ITPR1: variants seen among roughly 807,000 people sequenced by gnomAD.
ITPR1 encodes inositol 1,4,5-trisphosphate receptor type 1.
A neutral mutation model predicts 318.4 loss-of-function variants in ITPR1; 96 were observed. The observed-to-expected ratio is 0.30, with a 90% CI of 0.26 to 0.36. ITPR1 has a LOEUF of 0.36. ITPR1 is among the 10% of genes least tolerant of loss of function. The pLI is 1.00. For synonymous variants in ITPR1, 1,312 were observed against 1,289.9 expected, an observed-to-expected ratio of 1.02 and a Z score of -0.37; for missense variants, 2,440 against 3,460.2, an observed-to-expected ratio of 0.71 and a Z score of 7.40.
At chr3:4,708,927 A>G (rs1348948372) in intron 37 of ITPR1, among the ~76,000 whole-genome samples, 1 of 152,198 alleles carries the variant, frequency 6.6e-6, no homozygotes, top group African/African-American at 2.4e-5. Context: ...ATCTTTGTTG[A>G]TGTCTCCTTG....
chr3:4,726,519 T>C (rs2042528689), intron 41 of ITPR1, among the ~76,000 whole-genome samples: 1 of 152,170 alleles, frequency 6.6e-6, no homozygotes, highest in East Asian at 1.9e-4. Context: ...TAGAATGAAG[T>C]GTACTTTATT....
At chr3:4,674,446 G>A in intron 22 of ITPR1, 103 bp downstream of exon 22, 1 of 982,810 alleles carries the variant, frequency 1.0e-6, no homozygotes, top group Non-Finnish European at 1.4e-6. Flanking sequence ...TTTTGGTCAT[G>A]ATGCTCTGGT....
At chr3:4,719,543 G>C (rs747555508) in intron 40 of ITPR1, among the ~76,000 whole-genome samples, 54 of 152,334 alleles carry the variant, frequency 3.5e-4, no homozygotes, top group Non-Finnish European at 6.3e-4. Context: ...TCTGAACTGC[G>C]TACCCATGTT....
At chr3:4,803,513 C>T (rs1239965679) in intron 54 of ITPR1, among the ~76,000 whole-genome samples, 1 of 152,124 alleles carries the variant, frequency 6.6e-6, no homozygotes, top group Non-Finnish European at 1.5e-5. Context: ...TGGAAAGACA[C>T]GCTGTTAACG....
At chr3:4,739,807 G>T (rs1366721329) in intron 44 of ITPR1, among the ~76,000 whole-genome samples, 2 of 152,132 alleles carry the variant, frequency 1.3e-5, no homozygotes, top group Non-Finnish European at 2.9e-5. Flanking sequence ...CCATCAGGGG[G>T]TTGACTGGTC....
At chr3:4,764,078 G>A (rs2045643410) in intron 44 of ITPR1, among the ~76,000 whole-genome samples, 2 of 152,192 alleles carry the variant, frequency 1.3e-5, no homozygotes, top group African/African-American at 4.8e-5. Context: ...GCAGTCCTCT[G>A]TAAGCCCGCA....
intron 39 of ITPR1, among the ~76,000 whole-genome samples, chr3:4,713,281 G>A (rs976768167): frequency 1.3e-5 from 2 of 152,102 alleles, no homozygotes; most frequent in African/African-American, 4.8e-5. Context: ...GAATATTTTT[G>A]CATCCATGGG....
intron 37 of ITPR1, among the ~76,000 whole-genome samples, chr3:4,708,658 A>G (rs1163773826): frequency 6.6e-6 from 1 of 152,012 alleles, no homozygotes; most frequent in Non-Finnish European, 1.5e-5. Context: ...CTCTTCTTAG[A>G]TTTATTATGC....
At chr3:4,600,630 T>C (rs1273720506) in intron 4 of ITPR1, among the ~76,000 whole-genome samples, 1 of 152,206 alleles carries the variant, frequency 6.6e-6, no homozygotes, top group African/African-American at 2.4e-5. Flanking sequence ...CTACGTAAAA[T>C]GATAGTCCGT....
intron 4 of ITPR1, among the ~76,000 whole-genome samples, chr3:4,621,084 C>T (rs905247638): frequency 6.6e-6 from 1 of 152,034 alleles, no homozygotes; most frequent in African/African-American, 2.4e-5. Context: ...CATTCCTCTC[C>T]CCACAATCCC....
chr3:4,708,683 T>C (rs926275683), intron 37 of ITPR1, among the ~76,000 whole-genome samples: 1 of 151,428 alleles, frequency 6.6e-6, no homozygotes, highest in Middle Eastern at 3.2e-3. Flanking sequence ...TCTTGGGAAG[T>C]TAAATGAAAC....
Position 4,836,781 on chromosome 3 carries a change from A to T in ITPR1, c.8036A>T (p.Asn2679Ile), listed in dbSNP as rs1036740673. ...TTTTAATGTGGATTCTAGGAAAGAA[A>T]CCTTGACTGGTTCCCCAGGATGAGA... ...SYVAEMIKER[N>I]LDWFPRMRAM... Residue 2679 changes from asparagine to isoleucine, a missense_variant, in exon 61 of 62, where the codon AAC becomes ATC. By Grantham distance (149) the Asn-to-Ile change is moderately radical. This residue lies in a region of ITPR1 where 72 missense variants were observed against 197.7 expected (regional missense o/e 0.36). Coordinates refer to ENST00000649015, the MANE Select transcript of ITPR1 (RefSeq NM_001378452.1). 5 of 1,369,686 alleles carry T rather than the reference A, an allele frequency of 3.7e-6. No homozygotes were observed. In the Admixed American group the frequency reaches 8.0e-5, roughly 22 times the overall value. The allele number at this position is 1,369,686 out of a possible 1,614,324, so 84.8% of individuals were successfully genotyped here. A position where few individuals can be genotyped will look rare whatever the true frequency, so the allele number is the denominator to read the frequency against.
chr3:4,720,064 C>A (rs1394066991), intron 40 of ITPR1, among the ~76,000 whole-genome samples: 1 of 152,226 alleles, frequency 6.6e-6, no homozygotes, highest in Non-Finnish European at 1.5e-5. Flanking sequence ...AGAAAGTTCC[C>A]TCCTCTAGCC....
chr3:4,757,998 A>T (rs1040452016), intron 44 of ITPR1, among the ~76,000 whole-genome samples: 14 of 152,212 alleles, frequency 9.2e-5, no homozygotes, highest in Non-Finnish European at 1.6e-4. Context: ...ATGTGAAAAG[A>T]GAAAAATCAA....
At chr3:4,586,031 G>C (rs1371375484) in intron 4 of ITPR1, among the ~76,000 whole-genome samples, 1 of 145,274 alleles carries the variant, frequency 6.9e-6, no homozygotes, top group East Asian at 2.1e-4. Flanking sequence ...TTGGTTTTCT[G>C]TCCTTGTGAT....
intron 4 of ITPR1, among the ~76,000 whole-genome samples, chr3:4,583,122 G>T (rs1400910792): frequency 2.0e-5 from 3 of 152,160 alleles, no homozygotes; most frequent in Non-Finnish European, 4.4e-5. Flanking sequence ...CTATAAGGGA[G>T]ATCTGCTACA....
At chr3:4,813,286 C>A in intron 57 of ITPR1, 52 bp downstream of exon 57, 1 of 1,231,614 alleles carries the variant, frequency 8.1e-7, no homozygotes, top group Non-Finnish European at 1.2e-6. Context: ...CCTCCAGAGG[C>A]TTAGCTGATG....
intron 10 of ITPR1, among the ~76,000 whole-genome samples, chr3:4,647,577 T>C (rs1262102997): frequency 6.6e-6 from 1 of 152,248 alleles, no homozygotes; most frequent in Non-Finnish European, 1.5e-5. Flanking sequence ...GTGAGAGTTC[T>C]AGTTCTTCCA....
intron 17 of ITPR1, 115 bp downstream of exon 17, chr3:4,665,411 TCA>T: frequency 1.1e-6 from 1 of 946,114 alleles, no homozygotes; most frequent in Non-Finnish European, 1.6e-6. Context: ...GCAGAATAGT[TCA>T]GTGTTGAGCT....
Sources: allele counts gnomAD v4.1 joint callset (sites outside exome capture counted in the v4.1 genomes callset), GRCh38; gene constraint gnomAD v4.1.1; regional missense constraint gnomAD v4.1.1; transcripts MANE v1.5; gene names NCBI Gene and HGNC (gene_info 2026-07-23, HGNC 2026-07-21).